The following HK1 variants were observed in gnomAD, a reference collection of about 807,000 sequenced individuals.
The protein encoded by HK1 is hexokinase-1.
In HK1, 28 loss-of-function variants were observed where a neutral mutation model predicts 91.6. The observed-to-expected ratio is 0.31, with a 90% CI of 0.23 to 0.42. The LOEUF is 0.42. HK1 is among the 10% of genes least tolerant of loss of function. HK1 has a pLI of 1.00. For synonymous variants in HK1, 430 were observed against 468.1 expected, an observed-to-expected ratio of 0.92 and a Z score of 1.05; for missense variants, 770 against 1,219.8, an observed-to-expected ratio of 0.63 and a Z score of 5.49.
rs190968184 is a variant in HK1, at chr10:69,309,264, C to T, written c.27+8403C>T. On this transcript the variant is annotated intron_variant, in intron 5 of 21. Transcript: ENST00000360289. ...TGGCATGATCTCGGCTCACTGCAAGCTCCGCCTGCTGGGTTCACGCCATTC... is the reference window on the plus strand; with the variant it reads ...TGGCATGATCTCGGCTCACTGCAAGTTCCGCCTGCTGGGTTCACGCCATTC... 2.9e-3 allele frequency among the ~76,000 whole-genome samples: 444 copies of T among 150,732 alleles called. 1 individual carries two copies. Among genetic ancestry groups the T allele is most frequent in the Middle Eastern group, 0.02 (6 of 294 alleles).
chr10:69,288,907 C>T, intron 3 of HK1: 2 of 738,834 alleles, frequency 2.7e-6, no homozygotes, highest in South Asian at 1.5e-5. Flanking sequence ...CTGCCTCAGC[C>T]TCCCAGTAGC....
At chr10:69,338,101 C>T in intron 1 of HK1, 1 of 261,500 alleles carries the variant, frequency 3.8e-6, no homozygotes, top group Non-Finnish European at 6.5e-6. Flanking sequence ...GACATGTCCT[C>T]CTGCTCTGCG....
chr10:69,276,142 C>CACAT (rs1403969817), intron 1 of HK1, among the ~76,000 whole-genome samples: 3 of 88,810 alleles, frequency 3.4e-5, no homozygotes, highest in African/African-American at 1.2e-4. Context: ...TATATATACA[C>CACAT]ATATATATAT....
chr10:69,296,799 T>C (rs1448328734), intron 4 of HK1, among the ~76,000 whole-genome samples: 1 of 152,190 alleles, frequency 6.6e-6, no homozygotes, highest in Admixed American at 6.5e-5. Context: ...GTTGAGAAAC[T>C]CTGACAGCAT....
At chr10:69,271,235 T>C (rs1215918187) in intron 1 of HK1, 1 of 152,094 alleles carries the variant, frequency 6.6e-6, no homozygotes, top group Non-Finnish European at 1.5e-5. Context: ...TTTGTGCACG[T>C]GTATGTGTGT....
chr10:69,305,488 A>G (rs2132514743), intron 5 of HK1, among the ~76,000 whole-genome samples: 1 of 152,212 alleles, frequency 6.6e-6, no homozygotes. Flanking sequence ...TTTGTTTACC[A>G]TCTGTCTCTC....
At chr10:69,385,291 C>T (rs1867975) in intron 12 of HK1, among the ~76,000 whole-genome samples, 35,352 of 152,096 alleles carry the variant, frequency 0.23, 4,593 homozygotes, top group East Asian at 0.46. Context: ...TATCCCTGCA[C>T]GCCCTAGCAC....
intron 7 of HK1, among the ~76,000 whole-genome samples, chr10:69,372,836 C>T (rs764191549): frequency 9.2e-5 from 14 of 151,966 alleles, no homozygotes; most frequent in South Asian, 2.1e-4. Flanking sequence ...GCTCCCTGGG[C>T]GATTCCAATT....
chr10:69,344,439 A>G (rs1848446492), intron 2 of HK1, among the ~76,000 whole-genome samples: 1 of 152,244 alleles, frequency 6.6e-6, no homozygotes, highest in Admixed American at 6.5e-5. Flanking sequence ...TTCTTATCCC[A>G]GATAATAGCA....
intron 4 of HK1, among the ~76,000 whole-genome samples, chr10:69,367,388 G>A (rs1849763128): frequency 6.6e-6 from 1 of 152,218 alleles, no homozygotes. Context: ...GAACCTCAGA[G>A]GAGTGAAGGG....
At chr10:69,391,394 C>G (rs1171739390) in intron 14 of HK1, among the ~76,000 whole-genome samples, 2 of 152,264 alleles carry the variant, frequency 1.3e-5, no homozygotes, top group Non-Finnish European at 2.9e-5. Context: ...GTAATCCCAG[C>G]ACTTTGTGAG....
At chr10:69,272,201 G>T (rs1208330850) in intron 1 of HK1, among the ~76,000 whole-genome samples, 1 of 152,224 alleles carries the variant, frequency 6.6e-6, no homozygotes, top group African/African-American at 2.4e-5. Context: ...CAAAGTCACA[G>T]ATGCTGCTAG....
At chr10:69,351,463 C>T (rs914435792) in intron 2 of HK1, among the ~76,000 whole-genome samples, 12 of 152,210 alleles carry the variant, frequency 7.9e-5, no homozygotes, top group Middle Eastern at 3.4e-3. Context: ...GAGCCGAGAT[C>T]GCGCCATTGC....
At position 69,300,705 on chromosome 10, in the gene HK1, G is replaced by T. The variant is rs997011380; in HGVS notation, c.-66-64G>T. 84 of 950,378 alleles carry T rather than the reference G, an allele frequency of 8.8e-5. 1 individual carries two copies. The highest frequency in any genetic ancestry group is 2.8e-4 in the Admixed American group (15 of 54,396). The allele number at this position is 950,378 out of a possible 1,614,324, so 58.9% of individuals were successfully genotyped here. On this transcript the variant is annotated intron_variant, in intron 4 of 21. Coordinates refer to the HK1 transcript ENST00000360289. ...AATATAACCATGCTTCATCATCACAGTGAGAAACCAGACGATGACTTTGGA... is the reference window on the plus strand; with the variant it reads ...AATATAACCATGCTTCATCATCACATTGAGAAACCAGACGATGACTTTGGA...
intron 5 of HK1, among the ~76,000 whole-genome samples, chr10:69,301,985 C>G (rs888939523): frequency 1.3e-5 from 2 of 152,136 alleles, no homozygotes; most frequent in African/African-American, 4.8e-5. Flanking sequence ...GTGGCTCACA[C>G]TTGTAATCCT....
At chr10:69,329,071 G>A (rs1036826608) in intron 1 of HK1, among the ~76,000 whole-genome samples, 2 of 151,840 alleles carry the variant, frequency 1.3e-5, no homozygotes, top group Non-Finnish European at 2.9e-5. Flanking sequence ...TGGGCATTTG[G>A]ACTGCTTCCA....
chr10:69,370,601 A>G (rs1392852541), intron 7 of HK1, among the ~76,000 whole-genome samples: 1 of 152,172 alleles, frequency 6.6e-6, no homozygotes, highest in Non-Finnish European at 1.5e-5. Context: ...CTGAGGATCC[A>G]AAACAGCACC....
intron 4 of HK1, among the ~76,000 whole-genome samples, chr10:69,298,590 T>G (rs1273130063): frequency 2.6e-5 from 4 of 151,598 alleles, no homozygotes; most frequent in Non-Finnish European, 5.9e-5. Context: ...TTTGTGCCCC[T>G]GCACCCCAGC....
intron 5 of HK1, among the ~76,000 whole-genome samples, chr10:69,304,072 C>T (rs887938032): frequency 3.3e-5 from 5 of 152,136 alleles, no homozygotes; most frequent in East Asian, 3.9e-4. Context: ...CAAGCACTAT[C>T]TTAGGCTTTA....
Sources: allele counts gnomAD v4.1 joint callset (sites outside exome capture counted in the v4.1 genomes callset), GRCh38; gene constraint gnomAD v4.1.1; transcripts MANE v1.5; gene names NCBI Gene and HGNC (gene_info 2026-07-23, HGNC 2026-07-21).